KRT33A: variants seen among roughly 807,000 people sequenced by gnomAD.
KRT33A encodes keratin, type I cuticular Ha3-I.
KRT33A carries 44 observed loss-of-function variants against 41.1 expected under a neutral mutation model. The ratio of observed to expected loss-of-function variants is 1.07; its 90% confidence interval spans 0.84 to 1.38. The LOEUF (loss-of-function observed/expected upper bound fraction) is 1.38, where lower values mean the gene tolerates loss of function less well. Ranked by LOEUF, KRT33A falls within the 40% of genes most tolerant of loss-of-function variation. The pLI is 0.00. For missense variants in KRT33A, 536 were observed against 518.5 expected (o/e 1.03, Z -0.33); for synonymous variants, 229 against 227.8 (o/e 1.01, Z -0.05).
intron 2 of KRT33A, 105 bp downstream of exon 2, chr17:41,349,241 C>A: frequency 9.1e-7 from 1 of 1,095,460 alleles, no homozygotes; most frequent in Non-Finnish European, 1.4e-6. Context: ...GCAGCTAGAA[C>A]ATAGCTCAGT....
rs377459601 is a variant in KRT33A, at chr17:41,346,624, G to T, written c.921C>A (p.Tyr307Ter). ...ENTLTESEAR[Y>*]SSQLSQVQRL... ...TCTGCACCTGGGACAGCTGGGAGCT[G>T]TAGCGGGCCTCGCTCTCTGTCAGCG... The change falls in exon 6 of 7, where the codon TAC becomes TAA. Residue 307 changes from tyrosine to a stop codon, truncating the protein, a stop_gained. Transcript: ENST00000007735. LOFTEE classifies it high-confidence loss of function. 1.9e-6 allele frequency: 3 copies of T among 1,614,148 alleles called. No individual in the cohort carries two copies. In the African/African-American group the frequency reaches 4.0e-5, roughly 22 times the overall value.
chr17:41,350,366 C>T, intron 1 of KRT33A, 54 bp downstream of exon 1: 3 of 1,578,966 alleles, frequency 1.9e-6, no homozygotes, highest in South Asian at 2.3e-5. Flanking sequence ...AATCACAACT[C>T]GGATTCTCTC....
In KRT33A at chr17:41,349,296, G is replaced by A. The variant is rs774883054; in HGVS notation, c.431+50C>T. On this transcript the variant is annotated intron_variant, in intron 2 of 6. Transcript: ENST00000007735. ...GTTGACAACAGGCTAAAGGAAAGGA[G>A]GGCTGCCAGAGAAGAGAAATAAACA... The A allele has an allele frequency of 3.8e-6, 6 of 1,569,058 alleles. No individual in the cohort carries two copies. The African/African-American group carries it at 5.4e-5, about 14-fold the overall frequency.
intron 4 of KRT33A, 23 bp from the exon 5 acceptor site, chr17:41,346,992 G>A (rs1236713319): frequency 1.2e-6 from 2 of 1,613,100 alleles, no homozygotes; most frequent in Admixed American, 1.7e-5. Context: ...AGGGGAGAAA[G>A]GATCAGACCC....
At chr17:41,347,032 C>T (rs2017434811) in intron 4 of KRT33A, 29 bp downstream of exon 4, 1 of 1,611,974 alleles carries the variant, frequency 6.2e-7, no homozygotes, top group South Asian at 1.1e-5. Context: ...GGCCTCGGGT[C>T]CTGAGTGGCC....
Position 41,348,350 on chromosome 17 carries a change from T to A in KRT33A, c.588+133A>T, listed in dbSNP as rs552479892. ...ACAGGTTTTTAGATTAGTCATTCTC[T>A]ACATATCCCTTTTTGTATGCAGAAT... On this transcript the variant is annotated intron_variant, in intron 3 of 6. Transcript: ENST00000007735. The A allele has an allele frequency of 1.1e-5, 10 of 896,822 alleles. No individual in the cohort carries two copies. The Admixed American group carries it at 2.5e-4, about 23-fold the overall frequency. The allele number at this position is 896,822 out of a possible 1,614,324, so 55.6% of individuals were successfully genotyped here. A position where few individuals can be genotyped will look rare whatever the true frequency, so the allele number is the denominator to read the frequency against.
rs1235527623 is a variant in KRT33A, at chr17:41,346,942, A to T, written c.778T>A (p.Ser260Thr). 2 of 1,613,408 alleles carry T rather than the reference A, an allele frequency of 1.2e-6. No homozygotes were observed. The highest frequency in any genetic ancestry group is 1.7e-6 in the Non-Finnish European group (2 of 1,180,032). The change falls in exon 5 of 7, where the codon TCC becomes ACC. Residue 260 changes from serine to threonine, a missense_variant. Transcript: ENST00000007735. Reference sequence around the variant, plus strand: ...TAGGACTGCAGCTGCTCCGAGCTGGATACCACCTGCTTGTTCAGCTCCTCG... The same window carrying T: ...TAGGACTGCAGCTGCTCCGAGCTGGTTACCACCTGCTTGTTCAGCTCCTCG... ...QTEELNKQVV[S>T]SSEQLQSYQA... is the part of the protein sequence containing the mutation.
chr17:41,346,608 G>T lies in KRT33A; in HGVS notation c.937C>A (p.Gln313Lys). 6.2e-7 allele frequency: 1 copy of T among 1,614,246 alleles called. No homozygotes were observed. Among genetic ancestry groups the T allele is most frequent in the Non-Finnish European group, 8.5e-7 (1 of 1,180,052 alleles). The stretch of plus-strand genomic sequence containing the variant: ...ACGTTGGTGATCAGTCTCTGCACCT[G>T]GGACAGCTGGGAGCTGTAGCGGGCC... Reference protein sequence around the residue: ...SEARYSSQLSQVQRLITNVES... With the variant: ...SEARYSSQLSKVQRLITNVES... Residue 313 changes from glutamine (Q) to lysine (K), a missense_variant, in exon 6 of 7, where the codon CAG becomes AAG. Gln to Lys is a moderately conservative substitution (Grantham distance 53). Transcript: ENST00000007735.
At position 41,348,639 on chromosome 17, in the gene KRT33A, TC is replaced by T; in HGVS notation, c.432-1del. On this transcript the variant is annotated splice_acceptor_variant, in intron 2 of 6. Transcript: ENST00000007735. LOFTEE classifies it high-confidence loss of function. ...GCCGCAGGGACAGCTCGGTCTCATATCTGTGATCACAGGAGGGTCAGGAACA... is the reference window on the plus strand; with the variant it reads ...GCCGCAGGGACAGCTCGGTCTCATATTGTGATCACAGGAGGGTCAGGAACA... 1 of 1,614,066 alleles carries T rather than the reference TC, an allele frequency of 6.2e-7. No individual in the cohort carries two copies. The highest frequency in any genetic ancestry group is 8.5e-7 in the Non-Finnish European group (1 of 1,179,982).
chr17:41,350,771 G>T lies in KRT33A; in HGVS notation c.-4C>A, dbSNP rs1049899187. 18 of 1,609,200 alleles carry T rather than the reference G, an allele frequency of 1.1e-5. 1 individual carries two copies. In the African/African-American group the frequency reaches 2.4e-4, roughly 22 times the overall value. On this transcript the variant is annotated 5_prime_UTR_variant, in exon 1 of 7. Transcript: ENST00000007735. Reference sequence around the variant, plus strand: ...GCAGGCCACAACTGTAAGACATGGTGCAGGGAGGGAGTGTCCAGCTGAAGA... The same window carrying T: ...GCAGGCCACAACTGTAAGACATGGTTCAGGGAGGGAGTGTCCAGCTGAAGA...
At chr17:41,347,937 T>C (rs1040651460) in intron 3 of KRT33A, among the ~76,000 whole-genome samples, 1 of 152,240 alleles carries the variant, frequency 6.6e-6, no homozygotes, top group African/African-American at 2.4e-5. Flanking sequence ...TAATATTAAC[T>C]GTCACCATTT....
rs141226706 is a variant in KRT33A, at chr17:41,349,942, G to A, written c.348+478C>T. The stretch of plus-strand genomic sequence containing the variant: ...ACATTTTAGGCTCTCACTGGACACT[G>A]TGCACCAGGAGAAGCCCAGAGGCAT... On this transcript the variant is annotated intron_variant, in intron 1 of 6. Transcript: ENST00000007735. Among the ~76,000 whole-genome samples, 40 of 152,260 alleles carry A rather than the reference G, an allele frequency of 2.6e-4. No homozygotes were observed. In the East Asian group the frequency reaches 5.6e-3, roughly 21 times the overall value.
intron 2 of KRT33A, 144 bp from the exon 3 acceptor site, chr17:41,348,783 C>A: frequency 1.2e-6 from 1 of 860,946 alleles, no homozygotes; most frequent in Non-Finnish European, 1.8e-6. Flanking sequence ...CAGCATCGAG[C>A]TGGAAGAAAA....
chr17:41,348,254 C>T (rs561809329), intron 3 of KRT33A, among the ~76,000 whole-genome samples: 1 of 152,382 alleles, frequency 6.6e-6, no homozygotes, highest in East Asian at 1.9e-4. Context: ...ACCCAGCTTT[C>T]CTCACTACTG....
chr17:41,346,276 G>T (rs1401817010), intron 6 of KRT33A, 40 bp from the exon 7 acceptor site: 1 of 1,594,812 alleles, frequency 6.3e-7, no homozygotes, highest in African/African-American at 1.3e-5. Context: ...AGAGTAAAAT[G>T]AGCTGAAGAG....
chr17:41,349,530 C>A (rs1597682344), intron 1 of KRT33A, 102 bp from the exon 2 acceptor site: 1 of 1,175,204 alleles, frequency 8.5e-7, no homozygotes, highest in South Asian at 1.3e-5. Context: ...GGATGTCTAT[C>A]TTATTAAATG....
At position 41,350,582 on chromosome 17, in the gene KRT33A, G is replaced by C; in HGVS notation, c.186C>G (p.Phe62Leu). 1 of 1,613,648 alleles carries C rather than the reference G, an allele frequency of 6.2e-7. No individual in the cohort carries two copies. The highest frequency in any genetic ancestry group is 8.5e-7 in the Non-Finnish European group (1 of 1,180,056). Residue 62 changes from phenylalanine (F) to leucine (L), a missense_variant, in exon 1 of 7, where the codon TTC becomes TTG. Coordinates refer to ENST00000007735, the MANE Select transcript of KRT33A (RefSeq NM_004138.4). ...FNGSEKETMQFLNDRLASYLE... is the reference protein window; with the variant it reads ...FNGSEKETMQLLNDRLASYLE... Reference sequence around the variant, plus strand: ...GGTAGCTGGCCAGGCGGTCGTTCAGGAACTGCATGGTCTCCTTCTCACTGC... The same window carrying C: ...GGTAGCTGGCCAGGCGGTCGTTCAGCAACTGCATGGTCTCCTTCTCACTGC...
In KRT33A at chr17:41,348,645, A is replaced by G. The variant is rs764281171; in HGVS notation, c.432-6T>C. ...GGGACAGCTCGGTCTCATATCTGTG[A>G]TCACAGGAGGGTCAGGAACAGGCTG... is the stretch of plus-strand genomic sequence containing the variant. On this transcript the variant is annotated splice_region_variant and splice_polypyrimidine_tract_variant and intron_variant, in intron 2 of 6. Transcript: ENST00000007735. 3.1e-6 allele frequency: 5 copies of G among 1,613,876 alleles called. No homozygotes were observed. Among genetic ancestry groups the G allele is most frequent in the Non-Finnish European group, 4.2e-6 (5 of 1,179,950 alleles).
intron 3 of KRT33A, 88 bp from the exon 4 acceptor site, chr17:41,347,310 A>T: frequency 7.0e-7 from 1 of 1,435,898 alleles, no homozygotes. Flanking sequence ...GATCATTCTT[A>T]AGCTTTCAAG....
Sources: gnomAD v4.1 joint callset for allele counts (sites outside exome capture counted in the v4.1 genomes callset) on GRCh38, gnomAD v4.1.1 for gene constraint, MANE v1.5 for transcripts, NCBI Gene and HGNC (gene_info 2026-07-23, HGNC 2026-07-21) for gene names.